The following ANKRD24 variants were observed in gnomAD, a reference collection of about 807,000 sequenced individuals.
ANKRD24 encodes ankyrin repeat domain 24.
A neutral mutation model predicts 127.8 loss-of-function variants in ANKRD24; 109 were observed. The ratio of observed to expected loss-of-function variants is 0.85; its 90% CI spans 0.73 to 1.00. ANKRD24 has a LOEUF of 1.00. Among genes scored for constraint, ANKRD24 ranks in the 50% least tolerant of loss-of-function variants. ANKRD24 has a pLI of 0.00. For synonymous variants in ANKRD24, 743 were observed against 671.1 expected (o/e 1.11, Z -1.66); for missense variants, 1,648 against 1,570.2 (o/e 1.05, Z -0.84).
At chr19:4,204,188 A>G (rs1969258892) in intron 7 of ANKRD24, among the ~76,000 whole-genome samples, 1 of 141,076 alleles carries the variant, frequency 7.1e-6, no homozygotes, top group African/African-American at 2.7e-5. Flanking sequence ...GATGGTCTTG[A>G]TCTCCTGACC....
chr19:4,208,616 C>G lies in ANKRD24; in HGVS notation c.833-148C>G. Reference sequence around the variant, plus strand: ...CTTTTTAACAGTCCCAAGTCCCTCTCTCAGCACTCTACCCAAGCGCCAGAT... The same window carrying G: ...CTTTTTAACAGTCCCAAGTCCCTCTGTCAGCACTCTACCCAAGCGCCAGAT... On this transcript the variant is annotated intron_variant, in intron 10 of 21. Transcript: ENST00000318934. 4.3e-6 allele frequency: 3 copies of G among 693,162 alleles called. No homozygotes were observed. The South Asian group carries it at 5.5e-5, about 13-fold the overall frequency. 42.9% of individuals were successfully genotyped at this position (693,162 alleles called of 1,614,324 possible).
At chr19:4,190,278 A>T (rs1968310115) in intron 2 of ANKRD24, among the ~76,000 whole-genome samples, 2 of 151,898 alleles carry the variant, frequency 1.3e-5, no homozygotes, top group South Asian at 4.2e-4. Flanking sequence ...TACTAAAAAT[A>T]CAAAAAATCA....
intron 15 of ANKRD24, among the ~76,000 whole-genome samples, chr19:4,214,092 A>G (rs1475609854): frequency 6.6e-6 from 1 of 152,196 alleles, no homozygotes; most frequent in Non-Finnish European, 1.5e-5. Flanking sequence ...TCACACACGC[A>G]TGCATTGCAC....
At chr19:4,207,665 T>TAACCTAAGTAAGACGATCTAGCC in intron 9 of ANKRD24, 58 bp downstream of exon 9, 1 of 1,603,148 alleles carries the variant, frequency 6.2e-7, no homozygotes, top group Non-Finnish European at 8.5e-7. Flanking sequence ...CGGCAAGACT[T>TAACCTAAGTAAGACGATCTAGCC]AACCTAAGTA....
chr19:4,217,319 A>G lies in ANKRD24; in HGVS notation c.2159A>G (p.Lys720Arg). The change falls in exon 18 of 22, where the codon AAG (lysine) becomes AGG (arginine). Residue 720 changes from lysine (K) to arginine (R), a missense_variant. By Grantham distance (26) the Lys-to-Arg change is conservative. Transcript: ENST00000318934. ...CCTGGTGCCGCAGAGGCCTCGGAAA[A>G]GCTTCAAGTAGAGCTGGAGACCAGG... ...LHPGAAEASE[K>R]LQVELETRIR... 6.4e-7 allele frequency: 1 copy of G among 1,552,038 alleles called. No individual in the cohort carries two copies. Among genetic ancestry groups the G allele is most frequent in the Non-Finnish European group, 8.7e-7 (1 of 1,147,324 alleles).
Position 4,216,801 on chromosome 19 carries a change from T to C in ANKRD24, c.1641T>C (p.Asn547=). 1 of 1,602,912 alleles carries C rather than the reference T, an allele frequency of 6.2e-7. No individual in the cohort carries two copies. Among genetic ancestry groups the C allele is most frequent in the Non-Finnish European group, 8.5e-7 (1 of 1,175,138 alleles). ...TKNGPTHMEL[N]GSVAPETKVN... Reference sequence around the variant, plus strand: ...ACGGGCCAACCCACATGGAGCTAAATGGCTCAGTGGCTCCAGAAACCAAAG... The same window carrying C: ...ACGGGCCAACCCACATGGAGCTAAACGGCTCAGTGGCTCCAGAAACCAAAG... Residue 547 remains asparagine, a synonymous_variant, in exon 18 of 22, where the codon AAT becomes AAC. Transcript: ENST00000318934.
intron 19 of ANKRD24, among the ~76,000 whole-genome samples, chr19:4,221,660 C>CAT (rs1269770855): frequency 6.6e-6 from 1 of 152,182 alleles, no homozygotes; most frequent in Non-Finnish European, 1.5e-5. Flanking sequence ...GGCGCTTCAG[C>CAT]ATAAAGAATG....
intron 10 of ANKRD24, among the ~76,000 whole-genome samples, chr19:4,208,380 C>T (rs1737046438): frequency 6.6e-6 from 1 of 152,124 alleles, no homozygotes; most frequent in African/African-American, 2.4e-5. Flanking sequence ...TCAAGCAATT[C>T]TCCTGCCTCA....
Position 4,195,890 on chromosome 19 carries a change from T to C in ANKRD24, c.37-3793T>C, listed in dbSNP as rs955129586. Among the ~76,000 whole-genome samples, 2 of 152,098 alleles carry C rather than the reference T, an allele frequency of 1.3e-5. No individual in the cohort carries two copies. Among genetic ancestry groups the C allele is most frequent in the Non-Finnish European group, 2.9e-5 (2 of 68,018 alleles). On this transcript the variant is annotated intron_variant, in intron 2 of 21. Transcript: ENST00000318934. The surrounding 1 kb of genome is among the most constrained non-coding windows in gnomAD (Gnocchi z 4.2). The stretch of plus-strand genomic sequence containing the variant: ...GCCTGGGTGGAAGAGCAAGACTCCG[T>C]CTCAAAAGAAAAAAAGTAAAAGTCT...
At position 4,202,928 on chromosome 19, in the gene ANKRD24, T is replaced by C; in HGVS notation, c.466+2T>C. 1 of 1,568,312 alleles carries C rather than the reference T, an allele frequency of 6.4e-7. No individual in the cohort carries two copies. Among genetic ancestry groups the C allele is most frequent in the Non-Finnish European group, 8.6e-7 (1 of 1,156,862 alleles). ...GGTGGACTGCCCTACACCATGCAGGTGGGTGCAGCCCAGCCCTGCCCTGAC... is the reference window on the plus strand; with the variant it reads ...GGTGGACTGCCCTACACCATGCAGGCGGGTGCAGCCCAGCCCTGCCCTGAC... On this transcript the variant is annotated splice_donor_variant, in intron 7 of 21. Coordinates refer to ENST00000318934, the MANE Select transcript of ANKRD24 (RefSeq NM_001393985.1). LOFTEE classifies it high-confidence loss of function.
intron 15 of ANKRD24, among the ~76,000 whole-genome samples, chr19:4,214,503 C>A (rs1969948436): frequency 6.6e-6 from 1 of 152,124 alleles, no homozygotes; most frequent in South Asian, 2.1e-4. Flanking sequence ...ACCATACACA[C>A]AAACACAGAG....
At chr19:4,184,099 C>T (rs541167587) in intron 1 of ANKRD24, among the ~76,000 whole-genome samples, 4 of 152,250 alleles carry the variant, frequency 2.6e-5, no homozygotes, top group African/African-American at 4.8e-5. Context: ...GGTGTCTTCC[C>T]GCCAGAGCCA....
intron 13 of ANKRD24, among the ~76,000 whole-genome samples, chr19:4,210,963 A>T (rs1240744740): frequency 2.6e-5 from 4 of 151,832 alleles, no homozygotes; most frequent in African/African-American, 9.7e-5. Flanking sequence ...TCTCCCAAGC[A>T]GCTGGGATTA....
chr19:4,224,499 C>T lies in ANKRD24; in HGVS notation c.3435C>T (p.Gly1145=). Residue 1145 remains glycine, a synonymous_variant, in exon 22 of 22, where the codon GGC becomes GGT. Coordinates refer to ENST00000318934, the MANE Select transcript of ANKRD24 (RefSeq NM_001393985.1). ...AGATGCAGAGACTCCAGGCTCAGGG[C>T]CGCTGAGAAAGGCCAGGCCCAGTGG... ...ILQMQRLQAQ[G]R is the part of the protein sequence containing the mutation. 6.2e-7 allele frequency: 1 copy of T among 1,608,092 alleles called. No individual in the cohort carries two copies. Among genetic ancestry groups the T allele is most frequent in the Non-Finnish European group, 8.5e-7 (1 of 1,177,532 alleles).
At chr19:4,219,937 C>T (rs1970355257) in intron 19 of ANKRD24, among the ~76,000 whole-genome samples, 179 bp downstream of exon 19, 1 of 152,250 alleles carries the variant, frequency 6.6e-6, no homozygotes, top group Non-Finnish European at 1.5e-5. Flanking sequence ...CAGACACACA[C>T]AGGCTGCTGT....
In ANKRD24 at chr19:4,216,885, G is replaced by A; in HGVS notation, c.1725G>A (p.Arg575=). Residue 575 remains arginine, a synonymous_variant, in exon 18 of 22, where the codon AGG becomes AGA. Coordinates refer to ENST00000318934, the MANE Select transcript of ANKRD24 (RefSeq NM_001393985.1). The part of the protein sequence containing the change: ...EAAGDETMEA[R]TMEAEATGAE... ...CAGGAGATGAAACCATGGAAGCCAG[G>A]ACTATGGAAGCTGAGGCCACGGGAG... 6.2e-7 allele frequency: 1 copy of A among 1,611,662 alleles called. No individual in the cohort carries two copies. The highest frequency in any genetic ancestry group is 8.5e-7 in the Non-Finnish European group (1 of 1,178,968).
At position 4,218,086 on chromosome 19, in the gene ANKRD24, G is replaced by A. The variant is rs746291022; in HGVS notation, c.2926G>A (p.Ala976Thr). The change falls in exon 18 of 22, where the codon GCC becomes ACC. Residue 976 changes from alanine (A) to threonine (T), a missense_variant. Transcript: ENST00000318934. ...CGAACGCATCGTGGGCACCCTGCAG[G>A]CCAACGTGGCCCAGCTGGAGGGGCA... ...EHERIVGTLQ[A>T]NVAQLEGQLE... 1.9e-6 allele frequency: 3 copies of A among 1,548,038 alleles called. No homozygotes were observed. The highest frequency in any genetic ancestry group is 2.0e-5 in the Admixed American group (1 of 51,258).
At chr19:4,190,424 G>GA (rs540316686) in intron 2 of ANKRD24, among the ~76,000 whole-genome samples, 176 of 107,070 alleles carry the variant, frequency 1.6e-3, no homozygotes, top group Middle Eastern at 7.7e-3. Flanking sequence ...ACTCCGTCTC[G>GA]AAAAAAAAAA....
chr19:4,200,254 G>C, intron 5 of ANKRD24, 83 bp downstream of exon 5: 3 of 1,395,996 alleles, frequency 2.1e-6, no homozygotes, highest in Admixed American at 2.3e-5. Context: ...CCTGCTCCCA[G>C]GTCTCAATGT....
Sources: allele counts gnomAD v4.1 joint callset (sites outside exome capture counted in the v4.1 genomes callset), GRCh38; gene constraint gnomAD v4.1.1; non-coding constraint Gnocchi (gnomAD v3.1); transcripts MANE v1.5; gene names NCBI Gene and HGNC (gene_info 2026-07-23, HGNC 2026-07-21).